COL11A1: variants seen among roughly 807,000 people sequenced by gnomAD.
COL11A1 encodes the protein collagen alpha-1(XI) chain.
In COL11A1, 74 loss-of-function variants were observed where a neutral mutation model predicts 265.2. The ratio of observed to expected loss-of-function variants is 0.28; its 90% CI spans 0.23 to 0.34. The LOEUF (loss-of-function observed/expected upper bound fraction) is 0.34. Among genes scored for constraint, COL11A1 ranks in the 10% least tolerant of loss-of-function variants. The probability of loss-of-function intolerance (pLI) is 1.00; values close to 1 mark genes in which losing one functional copy is unlikely to be tolerated. For missense variants in COL11A1, 2,165 were observed against 2,263.6 expected (o/e 0.96, Z 0.88); for synonymous variants, 816 against 727.6 (o/e 1.12, Z -1.96).
intron 4 of COL11A1, among the ~76,000 whole-genome samples, chr1:103,068,832 T>TAA (rs371961383): frequency 1.3e-5 from 2 of 148,454 alleles, no homozygotes; most frequent in Admixed American, 6.7e-5. Context: ...ACTCTAGCAC[T>TAA]AAAAAAAAAT....
chr1:102,925,800 T>A (rs2101104585), intron 46 of COL11A1, among the ~76,000 whole-genome samples: 1 of 152,188 alleles, frequency 6.6e-6, no homozygotes, highest in South Asian at 2.1e-4. Context: ...AAATAAATAT[T>A]TCACTTTAAC....
rs760387652 is a variant in COL11A1, at chr1:102,961,898, C to T, written c.3136G>A (p.Gly1046Arg). 44 of 1,613,084 alleles carry T rather than the reference C, an allele frequency of 2.7e-5. No homozygotes were observed. The highest frequency in any genetic ancestry group is 1.2e-4 in the South Asian group (11 of 90,900). The change falls in exon 41 of 67, where the codon GGG becomes AGG. Residue 1046 changes from glycine to arginine, a missense_variant. Transcript: ENST00000370096. ...GAQGAPGLKG[G>R]EGPQGPPGPV... ...CCTGGTGGGCCCTGGGGACCTTCCC[C>T]TCCTTTCAGTCCAGGTGCACCCTGG...
In COL11A1 at chr1:102,927,747, G is replaced by A. The variant is rs61813928; in HGVS notation, c.3601-4358C>T. Reference sequence around the variant, plus strand: ...GATATATTTGAACAGAGGCTGTAGTGTTCTACAATTTAATATTTATTTTCC... The same window carrying A: ...GATATATTTGAACAGAGGCTGTAGTATTCTACAATTTAATATTTATTTTCC... On this transcript the variant is annotated intron_variant, in intron 46 of 66. Coordinates refer to ENST00000370096, the MANE Select transcript of COL11A1 (RefSeq NM_001854.4). Among the ~76,000 whole-genome samples the A allele has an allele frequency of 3.2e-3, 494 of 152,200 alleles. 1 individual carries two copies. Among genetic ancestry groups the A allele is most frequent in the Middle Eastern group, 0.017 (5 of 292 alleles).
At chr1:102,945,369 C>T (rs1417643915) in intron 42 of COL11A1, among the ~76,000 whole-genome samples, 3 of 151,124 alleles carry the variant, frequency 2.0e-5, no homozygotes, top group Non-Finnish European at 4.4e-5. Context: ...TTGGACTTTC[C>T]ATCCACCAGC....
In COL11A1 at chr1:102,881,645, T is replaced by G. The variant is rs1285151326; in HGVS notation, c.5040+52A>C. On this transcript the variant is annotated intron_variant, in intron 65 of 66. Coordinates refer to ENST00000370096, the MANE Select transcript of COL11A1 (RefSeq NM_001854.4). ...AAAGTCCAGAAATACATAATCAGAA[T>G]GTCACTTCTTGAGTTCGTGAAAAAT... 3 of 1,354,120 alleles carry G rather than the reference T, an allele frequency of 2.2e-6. No individual in the cohort carries two copies. In the Admixed American group the frequency reaches 5.1e-5, roughly 23 times the overall value. The allele number at this position is 1,354,120 out of a possible 1,614,324, so 83.9% of individuals were successfully genotyped here. A position where few individuals can be genotyped will look rare whatever the true frequency, so the allele number is the denominator to read the frequency against.
chr1:103,030,893 A>C lies in COL11A1; in HGVS notation c.780+223T>G, dbSNP rs1667933663. On this transcript the variant is annotated intron_variant, in intron 5 of 66. Coordinates refer to ENST00000370096, the MANE Select transcript of COL11A1 (RefSeq NM_001854.4). ...TGTGCATATACACAGTATACAAGTG[A>C]AGCACCATTATTGCTAATAAATTTA... The C allele has an allele frequency of 9.4e-6, 5 of 530,958 alleles. No homozygotes were observed. The East Asian group carries it at 1.9e-4, about 20-fold the overall frequency. 32.9% of individuals were successfully genotyped at this position (530,958 alleles called of 1,614,324 possible). A position where few individuals can be genotyped will look rare whatever the true frequency, so the allele number is the denominator to read the frequency against.
chr1:102,883,487 C>T (rs542872656), intron 63 of COL11A1, among the ~76,000 whole-genome samples, 176 bp from the exon 64 acceptor site: 1 of 152,266 alleles, frequency 6.6e-6, no homozygotes, highest in South Asian at 2.1e-4. Flanking sequence ...GATACTTTCT[C>T]TTGTCTGCCT....
At chr1:103,087,008 G>A (rs531784604) in intron 1 of COL11A1, among the ~76,000 whole-genome samples, 1 of 152,104 alleles carries the variant, frequency 6.6e-6, no homozygotes, top group South Asian at 2.1e-4. Context: ...TGTTTTATAC[G>A]CATACATACA....
intron 47 of COL11A1, among the ~76,000 whole-genome samples, chr1:102,921,926 T>C (rs1656032643): frequency 6.6e-6 from 1 of 152,218 alleles, no homozygotes; most frequent in African/African-American, 2.4e-5. Flanking sequence ...TAAATGGTGC[T>C]TGAATAGAAT....
At chr1:102,997,438 C>T (rs1181568497) in intron 25 of COL11A1, among the ~76,000 whole-genome samples, 3 of 151,844 alleles carry the variant, frequency 2.0e-5, no homozygotes, top group African/African-American at 7.2e-5. Context: ...CAATTAAAGC[C>T]TTACATAAAG....
intron 13 of COL11A1, among the ~76,000 whole-genome samples, chr1:103,012,933 T>C (rs1202038883): frequency 6.6e-6 from 1 of 152,118 alleles, no homozygotes; most frequent in Non-Finnish European, 1.5e-5. Context: ...GTTATGATAA[T>C]ATGTGCCTTT....
intron 1 of COL11A1, among the ~76,000 whole-genome samples, chr1:103,085,316 A>G (rs1363333649): frequency 6.6e-6 from 1 of 152,204 alleles, no homozygotes; most frequent in Non-Finnish European, 1.5e-5. Flanking sequence ...CAACCCAAAC[A>G]TTCAGGACGC....
intron 57 of COL11A1, among the ~76,000 whole-genome samples, chr1:102,894,464 G>A (rs1274946213): frequency 6.6e-6 from 1 of 152,038 alleles, no homozygotes; most frequent in Non-Finnish European, 1.5e-5. Context: ...AGCCTAGAAG[G>A]ACAAGGTTGT....
At chr1:103,069,332 T>C (rs895351343) in intron 4 of COL11A1, among the ~76,000 whole-genome samples, 2 of 151,862 alleles carry the variant, frequency 1.3e-5, no homozygotes, top group Non-Finnish European at 2.9e-5. Context: ...CAGAAAAATG[T>C]GCTGAATGAA....
rs766795883 is a variant in COL11A1, at chr1:102,898,930, T to A, written c.4140+11A>T. On this transcript the variant is annotated intron_variant, in intron 55 of 66. Transcript: ENST00000370096. ...ATAATATATATTATGTATATATTAT[T>A]TTTTTTTTACCTTAGCACCTTTTTC... 6.6e-6 allele frequency: 9 copies of A among 1,357,652 alleles called. No individual in the cohort carries two copies. In the East Asian group the frequency reaches 2.0e-4, roughly 31 times the overall value. The allele number at this position is 1,357,652 out of a possible 1,614,324, so 84.1% of individuals were successfully genotyped here.
At position 103,022,744 on chromosome 1, in the gene COL11A1, T is replaced by A. The variant is rs1317769823; in HGVS notation, c.1243A>T (p.Ser415Cys). 2 of 1,613,592 alleles carry A rather than the reference T, an allele frequency of 1.2e-6. No homozygotes were observed. The highest frequency in any genetic ancestry group is 1.7e-6 in the Non-Finnish European group (2 of 1,179,950). The change falls in exon 8 of 67, where the codon AGC (serine) becomes TGC (cysteine). Residue 415 changes from serine (S) to cysteine (C), a missense_variant and splice_region_variant. Ser to Cys is a moderately radical substitution (Grantham distance 112). Transcript: ENST00000370096. ...CACAGTGCATAGTATCAACTTACGC[T>A]TGTTTCTGTAATATCAGTTTCTGCT... ...VPAETDITET[S>C]INGHGAYGEK...
At chr1:103,050,678 T>C (rs1669740481) in intron 4 of COL11A1, among the ~76,000 whole-genome samples, 1 of 152,198 alleles carries the variant, frequency 6.6e-6, no homozygotes, top group Non-Finnish European at 1.5e-5. Context: ...AGAGGTCCTC[T>C]GATTTTTAGA....
At chr1:102,965,620 G>T in intron 37 of COL11A1, 80 bp from the exon 38 acceptor site, 1 of 1,170,532 alleles carries the variant, frequency 8.5e-7, no homozygotes, top group Non-Finnish European at 1.3e-6. Context: ...AGCTGAATAA[G>T]TCACATTAAA....
At chr1:103,013,994 A>G (rs1024137043) in intron 13 of COL11A1, among the ~76,000 whole-genome samples, 8 of 152,058 alleles carry the variant, frequency 5.3e-5, no homozygotes, top group Non-Finnish European at 1.0e-4. Context: ...TTTTAAAAAT[A>G]CTACAGATTA....
Sources: gnomAD v4.1 joint callset for allele counts (sites outside exome capture counted in the v4.1 genomes callset) on GRCh38, gnomAD v4.1.1 for gene constraint, MANE v1.5 for transcripts, NCBI Gene and HGNC (gene_info 2026-07-23, HGNC 2026-07-21) for gene names.